Variants in ADAMTSL1 observed in about 807,000 individuals in gnomAD.
ADAMTSL1 encodes the protein ADAMTS like 1, also known as ADAMTS-like protein 1.
In ADAMTSL1, 126 loss-of-function variants were observed where a neutral mutation model predicts 201.8. That is an observed-to-expected ratio of 0.62 (90% CI 0.54 to 0.72). The LOEUF (loss-of-function observed/expected upper bound fraction) is 0.72. Among genes scored for constraint, ADAMTSL1 ranks in the 30% least tolerant of loss-of-function variants. The probability of loss-of-function intolerance (pLI) is 0.00; values close to 1 mark genes in which losing one functional copy is unlikely to be tolerated. For synonymous variants in ADAMTSL1, 1,121 were observed against 903.4 expected, an observed-to-expected ratio of 1.24 and a Z score of -4.32; for missense variants, 2,679 against 2,277.8, an observed-to-expected ratio of 1.18 and a Z score of -3.59.
intron 2 of ADAMTSL1, among the ~76,000 whole-genome samples, chr9:18,512,867 G>T (rs568826268): frequency 6.6e-6 from 1 of 152,032 alleles, no homozygotes; most frequent in African/African-American, 2.4e-5. Context: ...TTTAATAATT[G>T]GCTTTTAAAC....
At chr9:18,484,554 A>C (rs1821890691) in intron 1 of ADAMTSL1, among the ~76,000 whole-genome samples, 1 of 152,166 alleles carries the variant, frequency 6.6e-6, no homozygotes, top group African/African-American at 2.4e-5. Context: ...ATACATAAAC[A>C]CCTGTCTTTT....
At position 18,159,236 on chromosome 9, in the gene ADAMTSL1, TTTTGGTAGGAAAAAAA is replaced by T. The variant is rs1336447383; in HGVS notation, c.88-4622_88-4607del. Reference sequence around the variant, plus strand: ...AGGCATAACATATTTTACAGAGTCCTTTTGGTAGGAAAAAAATTTTTAACCGTGTGGTTTTCAGCAC... The same window carrying T: ...AGGCATAACATATTTTACAGAGTCCTTTTTTAACCGTGTGGTTTTCAGCAC... On this transcript the variant is annotated intron_variant, in intron 1 of 29. Coordinates refer to the ADAMTSL1 transcript ENST00000680146. 5.3e-5 allele frequency among the ~76,000 whole-genome samples: 8 copies of T among 152,180 alleles called. No homozygotes were observed. In the East Asian group the frequency reaches 1.5e-3, roughly 29 times the overall value.
chr9:18,134,072 A>T (rs2131977141), intron 1 of ADAMTSL1, among the ~76,000 whole-genome samples: 1 of 152,334 alleles, frequency 6.6e-6, no homozygotes, highest in African/African-American at 2.4e-5. Flanking sequence ...CTACATTTGT[A>T]AGCCATTATT....
At chr9:18,096,360 A>G (rs1026383580) in intron 1 of ADAMTSL1, among the ~76,000 whole-genome samples, 3 of 152,164 alleles carry the variant, frequency 2.0e-5, no homozygotes, top group African/African-American at 4.8e-5. Flanking sequence ...CTTACCAGCA[A>G]TTTTTATTTC....
intron 2 of ADAMTSL1, among the ~76,000 whole-genome samples, chr9:18,224,505 C>T (rs926788301): frequency 3.3e-5 from 5 of 152,244 alleles, no homozygotes; most frequent in African/African-American, 1.2e-4. Context: ...CAAAAATATT[C>T]ACATCATAAC....
chr9:18,196,801 G>C (rs1346917745), intron 2 of ADAMTSL1, among the ~76,000 whole-genome samples: 1 of 151,934 alleles, frequency 6.6e-6, no homozygotes, highest in Non-Finnish European at 1.5e-5. Context: ...GCACCTTAGG[G>C]ACTTTGCCCA....
At chr9:18,506,193 A>T (rs1248206799) in intron 2 of ADAMTSL1, among the ~76,000 whole-genome samples, 1 of 152,222 alleles carries the variant, frequency 6.6e-6, no homozygotes, top group East Asian at 1.9e-4. Context: ...CCTTGAGCTG[A>T]TAAGAAAGAC....
chr9:18,546,302 T>C (rs1050040201), intron 3 of ADAMTSL1, among the ~76,000 whole-genome samples: 1 of 152,082 alleles, frequency 6.6e-6, no homozygotes, highest in Non-Finnish European at 1.5e-5. Context: ...AAAGAGGCAT[T>C]ATTATTTTCA....
At chr9:18,435,075 G>A (rs1307215920) in intron 2 of ADAMTSL1, among the ~76,000 whole-genome samples, 1 of 152,158 alleles carries the variant, frequency 6.6e-6, no homozygotes, top group Non-Finnish European at 1.5e-5. Flanking sequence ...GAGTTGAGAT[G>A]TCATGGCACA....
At chr9:18,571,449 G>A (rs1434472936) in intron 3 of ADAMTSL1, among the ~76,000 whole-genome samples, 1 of 152,160 alleles carries the variant, frequency 6.6e-6, no homozygotes, top group Non-Finnish European at 1.5e-5. Context: ...CCAGTACAAT[G>A]TACTCTACTT....
At chr9:17,914,367 A>G (rs906423231) in intron 1 of ADAMTSL1, among the ~76,000 whole-genome samples, 3 of 152,224 alleles carry the variant, frequency 2.0e-5, no homozygotes, top group Non-Finnish European at 2.9e-5. Context: ...CTGGTTCAAT[A>G]TACGTAAATC....
intron 23 of ADAMTSL1, among the ~76,000 whole-genome samples, chr9:18,884,792 C>CTA (rs1428459715): frequency 6.6e-6 from 1 of 152,174 alleles, no homozygotes; most frequent in African/African-American, 2.4e-5. Flanking sequence ...GTTTTGATTA[C>CTA]TATCACTTTG....
intron 20 of ADAMTSL1, among the ~76,000 whole-genome samples, chr9:18,816,024 C>T (rs1483492888): frequency 6.6e-6 from 1 of 152,066 alleles, no homozygotes; most frequent in Non-Finnish European, 1.5e-5. Flanking sequence ...ATCCTTTCCC[C>T]TAGATATTTT....
chr9:18,314,884 C>T (rs1175168907), intron 2 of ADAMTSL1, among the ~76,000 whole-genome samples: 1 of 146,008 alleles, frequency 6.8e-6, no homozygotes, highest in Non-Finnish European at 1.5e-5. Context: ...GCAAGCTCCG[C>T]CTCCCGGGTT....
At chr9:17,957,554 C>T (rs1025653084) in intron 1 of ADAMTSL1, among the ~76,000 whole-genome samples, 1 of 152,142 alleles carries the variant, frequency 6.6e-6, no homozygotes, top group African/African-American at 2.4e-5. Flanking sequence ...GGTCAATCTC[C>T]AAAGGGAAGG....
intron 16 of ADAMTSL1, among the ~76,000 whole-genome samples, chr9:18,757,287 A>C (rs1396375732): frequency 3.3e-5 from 5 of 152,062 alleles, no homozygotes; most frequent in Non-Finnish European, 7.4e-5. Flanking sequence ...TTTATTAAAT[A>C]CACTCATCAT....
At chr9:18,631,559 A>C (rs960081044) in intron 5 of ADAMTSL1, among the ~76,000 whole-genome samples, 1 of 152,186 alleles carries the variant, frequency 6.6e-6, no homozygotes, top group East Asian at 1.9e-4. Context: ...AAAAACATGA[A>C]CTCATCAACG....
At chr9:18,557,379 G>C (rs1821168478) in intron 3 of ADAMTSL1, among the ~76,000 whole-genome samples, 1 of 152,002 alleles carries the variant, frequency 6.6e-6, no homozygotes, top group Non-Finnish European at 1.5e-5. Context: ...TCCAGTTCTA[G>C]AATTGTTCTT....
chr9:18,298,867 C>T (rs1473927184), intron 2 of ADAMTSL1, among the ~76,000 whole-genome samples: 1 of 151,726 alleles, frequency 6.6e-6, no homozygotes, highest in Non-Finnish European at 1.5e-5. Context: ...AAAAATCAGC[C>T]GGTCGTGGTG....
Sources: allele counts gnomAD v4.1 joint callset (sites outside exome capture counted in the v4.1 genomes callset), GRCh38; gene constraint gnomAD v4.1.1; transcripts MANE v1.5; gene names NCBI Gene and HGNC (gene_info 2026-07-23, HGNC 2026-07-21).